Variants in MSI2 observed in about 807,000 individuals in gnomAD.
MSI2 encodes RNA-binding protein Musashi homolog 2.
A neutral mutation model predicts 45.6 loss-of-function variants in MSI2; 17 were observed. The observed-to-expected ratio is 0.37, with a 90% CI of 0.26 to 0.56. The LOEUF (loss-of-function observed/expected upper bound fraction) is 0.56, where lower values mean the gene tolerates loss of function less well. Ranked by LOEUF, MSI2 falls within the 20% of genes least tolerant of loss-of-function variation. The probability of loss-of-function intolerance (pLI) is 0.77; values close to 1 mark genes in which losing one functional copy is unlikely to be tolerated. For missense variants in MSI2, 293 were observed against 444.2 expected (o/e 0.66, Z 3.06); for synonymous variants, 156 against 158.2 (o/e 0.99, Z 0.11).
chr17:57,634,472 AAAAG>A (rs139967578), intron 10 of MSI2, among the ~76,000 whole-genome samples: 2,294 of 151,994 alleles, frequency 0.015, 41 homozygotes, highest in South Asian at 0.074. Flanking sequence ...TCTCAAAAAA[AAAAG>A]AGAGAGAGAG....
At chr17:57,527,314 G>T (rs994427141) in intron 6 of MSI2, among the ~76,000 whole-genome samples, 1 of 141,534 alleles carries the variant, frequency 7.1e-6, no homozygotes, top group African/African-American at 2.6e-5. Flanking sequence ...TGAGTCCCAG[G>T]GTCTGAGTCT....
chr17:57,395,678 T>A (rs2165856), intron 5 of MSI2, among the ~76,000 whole-genome samples: 150,244 of 152,340 alleles, frequency 0.99, 74,121 homozygotes, highest in Middle Eastern at 1. Flanking sequence ...GCCCTGCTCG[T>A]GGGTCTGGCA....
intron 7 of MSI2, among the ~76,000 whole-genome samples, chr17:57,574,716 A>G (rs1470415245): frequency 2.0e-5 from 3 of 152,102 alleles, no homozygotes; most frequent in Non-Finnish European, 4.4e-5. Flanking sequence ...AGCTTTTGCC[A>G]TCTATCTTCT....
chr17:57,354,241 C>A (rs1916256182), intron 5 of MSI2, among the ~76,000 whole-genome samples: 1 of 152,064 alleles, frequency 6.6e-6, no homozygotes, highest in East Asian at 1.9e-4. Flanking sequence ...GTTTGCCAAC[C>A]CCTAGTCAGT....
rs6503806 is a variant in MSI2, at chr17:57,290,665, A to G, written c.312+28473A>G. 1.5e-3 allele frequency among the ~76,000 whole-genome samples: 236 copies of G among 152,322 alleles called. 3 individuals are homozygous for G. The highest frequency in any genetic ancestry group is 5.3e-3 in the African/African-American group (221 of 41,562). Reference sequence around the variant, plus strand: ...TAGCCTGGCTCCTGAGGCTTTAGGAAAGTGCTTCTCAGACTTTACTATGCA... The same window carrying G: ...TAGCCTGGCTCCTGAGGCTTTAGGAGAGTGCTTCTCAGACTTTACTATGCA... On this transcript the variant is annotated intron_variant, in intron 5 of 13. Transcript: ENST00000284073.
intron 6 of MSI2, among the ~76,000 whole-genome samples, chr17:57,415,244 G>T (rs2143236444): frequency 6.6e-6 from 1 of 152,288 alleles, no homozygotes; most frequent in South Asian, 2.1e-4. Context: ...ACAACATTAA[G>T]CCACAGCACA....
intron 6 of MSI2, among the ~76,000 whole-genome samples, chr17:57,477,532 C>T (rs1542124): frequency 0.86 from 130,754 of 152,110 alleles, 56,240 homozygotes; most frequent in East Asian, 0.93. Context: ...AAAGTGATGT[C>T]GATGTCTGCA....
intron 5 of MSI2, among the ~76,000 whole-genome samples, chr17:57,302,812 A>G (rs540117155): frequency 6.6e-6 from 1 of 152,340 alleles, no homozygotes; most frequent in East Asian, 1.9e-4. Flanking sequence ...TAAATAGGCA[A>G]ATAAATGGGA....
intron 7 of MSI2, among the ~76,000 whole-genome samples, chr17:57,548,082 G>A (rs1446657470): frequency 1.3e-5 from 2 of 152,186 alleles, no homozygotes; most frequent in Non-Finnish European, 2.9e-5. Context: ...AGATGTGGAC[G>A]CTCTTTAGTA....
intron 6 of MSI2, among the ~76,000 whole-genome samples, chr17:57,476,980 C>T (rs1370605698): frequency 2.6e-5 from 4 of 152,178 alleles, no homozygotes; most frequent in Non-Finnish European, 4.4e-5. Context: ...GCCTCACCCC[C>T]GTCTGGCCAG....
chr17:57,679,481 C>G, intron 13 of MSI2, 68 bp from the exon 14 acceptor site: 1 of 878,972 alleles, frequency 1.1e-6, no homozygotes, highest in Non-Finnish European at 1.4e-6. Context: ...TCTGACACTT[C>G]TTTCTCCTCC....
chr17:57,259,968 A>T (rs746092059), intron 4 of MSI2: 1 of 152,164 alleles, frequency 6.6e-6, no homozygotes, highest in Non-Finnish European at 1.5e-5. Flanking sequence ...ACTTTGTTTC[A>T]ACGTTCAGTG....
intron 8 of MSI2, among the ~76,000 whole-genome samples, chr17:57,600,322 CT>C (rs575890635): frequency 2.2e-4 from 33 of 152,368 alleles, no homozygotes; most frequent in African/African-American, 7.7e-4. Flanking sequence ...GCTGCACCCC[CT>C]GGTACATACT....
chr17:57,406,290 C>G (rs2143142993), intron 6 of MSI2, among the ~76,000 whole-genome samples: 2 of 152,252 alleles, frequency 1.3e-5, no homozygotes, highest in South Asian at 4.2e-4. Flanking sequence ...GCAGAGCCAC[C>G]CGGAAGAGCC....
At chr17:57,357,342 C>T (rs1055527527) in intron 5 of MSI2, among the ~76,000 whole-genome samples, 1 of 152,040 alleles carries the variant, frequency 6.6e-6, no homozygotes, top group African/African-American at 2.4e-5. Context: ...AGTCAGAGTC[C>T]ACCGCCGGTG....
chr17:57,308,394 A>G (rs955211409), intron 5 of MSI2, among the ~76,000 whole-genome samples: 6 of 152,168 alleles, frequency 3.9e-5, no homozygotes, highest in Non-Finnish European at 8.8e-5. Context: ...TGTTTTTGCT[A>G]AGTGTATAAT....
chr17:57,548,526 C>T (rs539146040), intron 7 of MSI2, among the ~76,000 whole-genome samples: 21 of 152,208 alleles, frequency 1.4e-4, no homozygotes, highest in South Asian at 6.2e-4. Context: ...TGATAATGTT[C>T]GCAGGCTCCG....
At chr17:57,327,434 C>T (rs1351166305) in intron 5 of MSI2, among the ~76,000 whole-genome samples, 4 of 152,316 alleles carry the variant, frequency 2.6e-5, no homozygotes, top group Non-Finnish European at 2.9e-5. Flanking sequence ...GTGCTGAGTC[C>T]TGTGGCTTTC....
rs568099106 is a variant in MSI2 at position 57,683,013 on chromosome 17, G to A, written c.*3496G>A. On this transcript the variant is annotated 3_prime_UTR_variant, in exon 14 of 14. Transcript: ENST00000284073. This position sits in a 1 kb window ranked among gnomAD's most constrained non-coding sequence, Gnocchi z 5.2. ...ATCCACTGGGAACAAACAGCCTCGC[G>A]CTCTATACCAAACAGCCTCGCGCTC... 7.8e-5 allele frequency: 18 copies of A among 229,734 alleles called. No individual in the cohort carries two copies. The East Asian group carries it at 9.9e-4, about 13-fold the overall frequency. The allele number at this position is 229,734 out of a possible 1,614,324, so 14.2% of individuals were successfully genotyped here. A position where few individuals can be genotyped will look rare whatever the true frequency, so the allele number is the denominator to read the frequency against.
Sources: gnomAD v4.1 joint callset for allele counts (sites outside exome capture counted in the v4.1 genomes callset) on GRCh38, gnomAD v4.1.1 for gene constraint, Gnocchi (gnomAD v3.1) non-coding constraint, MANE v1.5 for transcripts, NCBI Gene and HGNC (gene_info 2026-07-23, HGNC 2026-07-21) for gene names.